Variants in LAMB3 observed in about 807,000 individuals in gnomAD.
The protein encoded by LAMB3 is laminin subunit beta 3, also known as laminin subunit beta-3.
In LAMB3, 104 loss-of-function variants were observed where a neutral mutation model predicts 140.3. The observed-to-expected ratio is 0.74, with a 90% CI of 0.63 to 0.87. The LOEUF (loss-of-function observed/expected upper bound fraction) is 0.87, where lower values mean the gene tolerates loss of function less well. LAMB3 is among the 40% of genes least tolerant of loss of function. The pLI is 0.00. For missense variants in LAMB3, 1,531 were observed against 1,575.2 expected (o/e 0.97, Z 0.47); for synonymous variants, 592 against 602.9 (o/e 0.98, Z 0.26).
intron 14 of LAMB3, among the ~76,000 whole-genome samples, chr1:209,625,104 T>C (rs1666382329): frequency 6.6e-6 from 1 of 152,088 alleles, no homozygotes; most frequent in African/African-American, 2.4e-5. Flanking sequence ...AGGCTGCCTT[T>C]TCCTTCCCCA....
intron 6 of LAMB3, among the ~76,000 whole-genome samples, chr1:209,633,883 G>T (rs17014955): frequency 0.035 from 5,371 of 152,264 alleles, 362 homozygotes; most frequent in East Asian, 0.33. Context: ...TTTGACCCAC[G>T]TTGGGAGGAC....
At chr1:209,650,251 G>T in intron 2 of LAMB3, 133 bp from the exon 3 acceptor site, 1 of 883,338 alleles carries the variant, frequency 1.1e-6, no homozygotes, top group Non-Finnish European at 1.8e-6. Context: ...ACTCGCTGCT[G>T]GCAGTAATAA....
chr1:209,624,133 T>G, intron 14 of LAMB3, 133 bp from the exon 15 acceptor site: 1 of 741,274 alleles, frequency 1.3e-6, no homozygotes, highest in South Asian at 1.8e-5. Context: ...GAACAGAGAA[T>G]CCACAGGCTA....
Position 209,646,908 on chromosome 1 carries a change from C to T in LAMB3, c.183+3056G>A, listed in dbSNP as rs533361657. Reference sequence around the variant, plus strand: ...CAGGGAAGCATCACAGAATCACAGACATTTTCATCCATGCCTTGAGATTGA... The same window carrying T: ...CAGGGAAGCATCACAGAATCACAGATATTTTCATCCATGCCTTGAGATTGA... On this transcript the variant is annotated intron_variant, in intron 3 of 22. Transcript: ENST00000356082. 2.0e-4 allele frequency among the ~76,000 whole-genome samples: 31 copies of T among 152,330 alleles called. No individual in the cohort carries two copies. The South Asian group carries it at 5.0e-3, about 24-fold the overall frequency.
chr1:209,645,234 C>A (rs1434789242), intron 3 of LAMB3, among the ~76,000 whole-genome samples: 1 of 152,192 alleles, frequency 6.6e-6, no homozygotes, highest in Non-Finnish European at 1.5e-5. Flanking sequence ...GCAAAAGTCA[C>A]ATCTAAGTTT....
chr1:209,620,194 G>C (rs1666136650), intron 18 of LAMB3, among the ~76,000 whole-genome samples: 2 of 152,196 alleles, frequency 1.3e-5, no homozygotes, highest in Non-Finnish European at 2.9e-5. Context: ...TTACTGCTTT[G>C]AGCAAAAGCA....
chr1:209,624,957 G>C (rs904407591), intron 14 of LAMB3, among the ~76,000 whole-genome samples: 2 of 151,326 alleles, frequency 1.3e-5, no homozygotes, highest in Non-Finnish European at 2.9e-5. Flanking sequence ...AGGAAGGAAG[G>C]AAGGAAAAAA....
chr1:209,627,019 C>A (rs368279323), intron 12 of LAMB3, 41 bp from the exon 13 acceptor site: 1 of 1,402,436 alleles, frequency 7.1e-7, no homozygotes, highest in East Asian at 2.4e-5. Context: ...TGCCTCACAG[C>A]CTCTGCCTTA....
chr1:209,651,362 A>T lies in LAMB3; in HGVS notation c.-37-381T>A, dbSNP rs10779510. ...GTAGAAAGGGCCAAGACCTAGTTCC[A>T]GCCCCAAGAGAGAGGGCTGGCTTTT... On this transcript the variant is annotated intron_variant, in intron 1 of 22. Coordinates refer to ENST00000356082, the MANE Select transcript of LAMB3 (RefSeq NM_000228.3). 208,876 of 235,110 alleles carry T rather than the reference A, an allele frequency of 0.89. 93,163 individuals are homozygous for T. Among genetic ancestry groups the T allele is most frequent in the East Asian group, 1 (10,693 of 10,700 alleles). 14.6% of individuals were successfully genotyped at this position (235,110 alleles called of 1,614,324 possible).
At chr1:209,618,791 T>C in intron 18 of LAMB3, 132 bp from the exon 19 acceptor site, 3 of 829,756 alleles carry the variant, frequency 3.6e-6, no homozygotes, top group Non-Finnish European at 5.9e-6. Context: ...AAGGAGCTGC[T>C]GCCCCCTTTC....
intron 18 of LAMB3, chr1:209,618,875 C>T (rs1171168242): frequency 5.0e-6 from 3 of 603,722 alleles, no homozygotes; most frequent in African/African-American, 1.8e-5. Context: ...GTGCTCCATG[C>T]TGCAGCAGGG....
At chr1:209,628,340 C>A in intron 10 of LAMB3, 150 bp from the exon 11 acceptor site, 1 of 841,078 alleles carries the variant, frequency 1.2e-6, no homozygotes, top group Non-Finnish European at 1.9e-6. Context: ...CCCTCTGTGC[C>A]TCAATTTCCT....
intron 4 of LAMB3, among the ~76,000 whole-genome samples, chr1:209,638,187 T>C (rs781408047): frequency 1.4e-4 from 22 of 152,146 alleles, no homozygotes; most frequent in Non-Finnish European, 3.1e-4. Flanking sequence ...TAAGTTTCCT[T>C]CCCACCATCA....
intron 8 of LAMB3, among the ~76,000 whole-genome samples, chr1:209,631,913 C>G (rs1263606177): frequency 1.3e-5 from 2 of 152,238 alleles, no homozygotes; most frequent in Non-Finnish European, 2.9e-5. Flanking sequence ...GTCCCCCTGT[C>G]ACTAGGACAG....
intron 3 of LAMB3, among the ~76,000 whole-genome samples, chr1:209,647,180 C>A (rs1285409666): frequency 6.6e-6 from 1 of 152,196 alleles, no homozygotes; most frequent in Non-Finnish European, 1.5e-5. Flanking sequence ...GCAACATGGA[C>A]CCGGAATTTA....
Position 209,623,240 on chromosome 1 carries a change from C to G in LAMB3, c.2359-61G>C, listed in dbSNP as rs1010907383. ...AAGCCCCTCAATAACCAATCCCACC[C>G]CACACCTGGGAAACCAACAGCCAGA... On this transcript the variant is annotated intron_variant, in intron 16 of 22. Transcript: ENST00000356082. The surrounding 1 kb of genome is among the most constrained non-coding windows in gnomAD (Gnocchi z 4.2). 1.1e-4 allele frequency: 171 copies of G among 1,546,706 alleles called. No individual in the cohort carries two copies. Among genetic ancestry groups the G allele is most frequent in the Non-Finnish European group, 1.4e-4 (162 of 1,124,480 alleles).
At position 209,633,189 on chromosome 1, in the gene LAMB3, G is replaced by A. The variant is rs879087417; in HGVS notation, c.565-56C>T. 2.9e-5 allele frequency: 37 copies of A among 1,294,994 alleles called. No individual in the cohort carries two copies. The African/African-American group carries it at 4.7e-4, about 16-fold the overall frequency. The allele number at this position is 1,294,994 out of a possible 1,614,324, so 80.2% of individuals were successfully genotyped here. A position where few individuals can be genotyped will look rare whatever the true frequency, so the allele number is the denominator to read the frequency against. On this transcript the variant is annotated intron_variant, in intron 6 of 22. Transcript: ENST00000356082. ...AGAAGAGACAAATAGTGTGCCCCGA[G>A]TTCAGAAGAAACCTTTCTTTCCATT...
chr1:209,650,076 C>G lies in LAMB3; in HGVS notation c.71G>C (p.Gly24Ala). Residue 24 changes from glycine (G) to alanine (A), a missense_variant, in exon 3 of 23, where the codon GGG becomes GCG. Physicochemically the swap from Gly to Ala is moderately conservative, Grantham distance 60. Coordinates refer to ENST00000356082, the MANE Select transcript of LAMB3 (RefSeq NM_000228.3). ...LLHAQQACSR[G>A]ACYPPVGDLL... ...GTCCCCAACAGGTGGATAGCAGGCCCCACGGGAGCAGGCTTGTTGGGCATG... is the reference window on the plus strand; with the variant it reads ...GTCCCCAACAGGTGGATAGCAGGCCGCACGGGAGCAGGCTTGTTGGGCATG... 1 of 1,614,090 alleles carries G rather than the reference C, an allele frequency of 6.2e-7. No individual in the cohort carries two copies. The highest frequency in any genetic ancestry group is 1.3e-5 in the African/African-American group (1 of 75,002).
rs2076427362 is a variant in LAMB3, at chr1:209,638,568, G to A, written c.264C>T (p.Ser88=). 6.8e-6 allele frequency: 11 copies of A among 1,613,912 alleles called. No individual in the cohort carries two copies. The East Asian group carries it at 2.5e-4, about 36-fold the overall frequency. The change falls in exon 4 of 23, where the codon TCC becomes TCT. Residue 88 remains serine (S), a synonymous_variant. Coordinates refer to ENST00000356082, the MANE Select transcript of LAMB3 (RefSeq NM_000228.3). The part of the protein sequence containing the change: ...YSHRVENVAS[S]SGPMRWWQSQ... Reference sequence around the variant, plus strand: ...ACTGCCACCAGCGCATGGGGCCGGAGGATGAAGCCACATTCTCTACTCGGT... The same window carrying A: ...ACTGCCACCAGCGCATGGGGCCGGAAGATGAAGCCACATTCTCTACTCGGT...
Sources: allele counts gnomAD v4.1 joint callset (sites outside exome capture counted in the v4.1 genomes callset), GRCh38; gene constraint gnomAD v4.1.1; non-coding constraint Gnocchi (gnomAD v3.1); transcripts MANE v1.5; gene names NCBI Gene and HGNC (gene_info 2026-07-23, HGNC 2026-07-21).